The following PRKAA2 variants were observed in gnomAD, a reference collection of about 807,000 sequenced individuals.
The protein encoded by PRKAA2 is 5'-AMP-activated protein kinase catalytic subunit alpha-2.
Under a neutral mutation model 56.3 loss-of-function variants are expected in PRKAA2, and 40 were observed. That is an observed-to-expected ratio of 0.71 (90% confidence interval 0.55 to 0.92). PRKAA2 has a LOEUF of 0.92. PRKAA2 is among the 40% of genes least tolerant of loss of function. The pLI, the probability that PRKAA2 is intolerant of heterozygous loss-of-function variation, is 0.00. For missense variants in PRKAA2, 542 were observed against 686.9 expected (o/e 0.79, Z 2.36); for synonymous variants, 214 against 234.2 (o/e 0.91, Z 0.79).
rs534886858 is a variant in PRKAA2 at position 56,658,604 on chromosome 1, TTTTG to T, written c.94+13139_94+13142del. Among the ~76,000 whole-genome samples the T allele has an allele frequency of 6.4e-3, 907 of 142,140 alleles. 12 individuals carry two copies. Among genetic ancestry groups the T allele is most frequent in the African/African-American group, 0.021 (807 of 39,094 alleles). The allele number at this position is 142,140 out of a possible 152,430, so 93.2% of individuals were successfully genotyped here. On this transcript the variant is annotated intron_variant, in intron 1 of 8. Transcript: ENST00000371244. ...TTTTTTCTTCCCCCCCCCCGCCATT[TTTTG>T]TTTGTTTGTTTGTTTTGTTTTGAGT... is the stretch of plus-strand genomic sequence containing the variant.
chr1:56,645,701 A>G (rs1180630851), intron 1 of PRKAA2, among the ~76,000 whole-genome samples: 1 of 151,948 alleles, frequency 6.6e-6, no homozygotes, highest in Non-Finnish European at 1.5e-5. Flanking sequence ...CGGGGGTGTG[A>G]GCTGAGGATG....
chr1:56,705,156 A>G (rs1346286086), intron 7 of PRKAA2, among the ~76,000 whole-genome samples: 1 of 152,204 alleles, frequency 6.6e-6, no homozygotes, highest in Admixed American at 6.5e-5. Context: ...AAAAATGTGC[A>G]AACTTACCAC....
intron 1 of PRKAA2, among the ~76,000 whole-genome samples, chr1:56,656,778 G>C (rs1277788424): frequency 6.6e-6 from 1 of 152,200 alleles, no homozygotes; most frequent in Non-Finnish European, 1.5e-5. Flanking sequence ...TTCTGATGAA[G>C]ATGTTTTTGG....
chr1:56,703,362 A>C (rs1403465807), intron 6 of PRKAA2, among the ~76,000 whole-genome samples: 10 of 152,210 alleles, frequency 6.6e-5, no homozygotes, highest in Non-Finnish European at 1.2e-4. Flanking sequence ...CATGAAAAAT[A>C]ACCATATTTT....
chr1:56,665,046 G>T (rs1031658786), intron 1 of PRKAA2, among the ~76,000 whole-genome samples: 2 of 150,474 alleles, frequency 1.3e-5, no homozygotes, highest in African/African-American at 4.9e-5. Context: ...GGTCTTTCCT[G>T]CCTTGGATAT....
chr1:56,714,928 A>G lies in PRKAA2; in HGVS notation c.*7215A>G, dbSNP rs1195125190. Reference sequence around the variant, plus strand: ...CTTTGAAAAAGAAAAAAAAATCCATAGGTTGATACATTGACCCATTGAAGT... The same window carrying G: ...CTTTGAAAAAGAAAAAAAAATCCATGGGTTGATACATTGACCCATTGAAGT... On this transcript the variant is annotated 3_prime_UTR_variant, in exon 9 of 9. Transcript: ENST00000371244. 2 of 152,132 alleles carry G rather than the reference A, an allele frequency of 1.3e-5. No homozygotes were observed. The highest frequency in any genetic ancestry group is 4.8e-5 in the African/African-American group (2 of 41,458). The allele number at this position is 152,132 out of a possible 1,614,324, so 9.4% of individuals were successfully genotyped here.
intron 4 of PRKAA2, among the ~76,000 whole-genome samples, chr1:56,692,794 T>TG (rs1326790031): frequency 6.6e-6 from 1 of 151,258 alleles, no homozygotes. Context: ...TTTTTTTGTT[T>TG]TTTTTTTTTT....
At chr1:56,691,280 C>T in intron 2 of PRKAA2, 114 bp from the exon 3 acceptor site, 2 of 566,610 alleles carry the variant, frequency 3.5e-6, no homozygotes, top group Non-Finnish European at 5.9e-6. Flanking sequence ...AATTTGTTGC[C>T]ATCTTAAAGT....
At chr1:56,692,247 G>T (rs920701672) in intron 3 of PRKAA2, 111 bp from the exon 4 acceptor site, 42 of 1,272,366 alleles carry the variant, frequency 3.3e-5, no homozygotes, top group Non-Finnish European at 4.4e-5. Context: ...GGTCAGGCTG[G>T]TCTCAAACTC....
rs1449315525 is a variant in PRKAA2, at chr1:56,714,949, G to T, written c.*7236G>T. On this transcript the variant is annotated 3_prime_UTR_variant, in exon 9 of 9. Transcript: ENST00000371244. ...CCATAGGTTGATACATTGACCCATT[G>T]AAGTACTTCATTACGTATTTATTGA... 6.6e-6 allele frequency: 1 copy of T among 151,810 alleles called. No homozygotes were observed. The highest frequency in any genetic ancestry group is 1.5e-5 in the Non-Finnish European group (1 of 67,926). 9.4% of individuals were successfully genotyped at this position (151,810 alleles called of 1,614,324 possible).
In PRKAA2 at chr1:56,650,613, T is replaced by A. The variant is rs376664951; in HGVS notation, c.94+5132T>A. On this transcript the variant is annotated intron_variant, in intron 1 of 8. Transcript: ENST00000371244. ...AAGAAGCCTGCATTTTCAAGATGAG[T>A]AGTAGTATATATGTGGTTTATGATT... Among the ~76,000 whole-genome samples the A allele has an allele frequency of 8.5e-5, 13 of 152,286 alleles. No individual in the cohort carries two copies. The South Asian group carries it at 2.7e-3, about 32-fold the overall frequency.
chr1:56,705,646 C>T (rs1046106531), intron 7 of PRKAA2, among the ~76,000 whole-genome samples: 1 of 152,172 alleles, frequency 6.6e-6, no homozygotes, highest in African/African-American at 2.4e-5. Context: ...GCGGTCCACC[C>T]ACCTTGGCCT....
intron 5 of PRKAA2, among the ~76,000 whole-genome samples, chr1:56,695,195 TATA>T (rs1272774205): frequency 6.8e-6 from 1 of 147,490 alleles, no homozygotes; most frequent in Non-Finnish European, 1.5e-5. Flanking sequence ...TATATATATA[TATA>T]TATATTTTTT....
intron 1 of PRKAA2, 47 bp downstream of exon 1, chr1:56,645,528 G>A: frequency 1.4e-6 from 2 of 1,422,114 alleles, no homozygotes; most frequent in Middle Eastern, 2.4e-4. Flanking sequence ...CTGACTTGCG[G>A]GAGGCCGAGG....
At position 56,696,237 on chromosome 1, in the gene PRKAA2, C is replaced by T; in HGVS notation, c.788+78C>T. 2.9e-6 allele frequency: 4 copies of T among 1,375,294 alleles called. No individual in the cohort carries two copies. In the East Asian group the frequency reaches 9.2e-5, roughly 32 times the overall value. 85.2% of individuals were successfully genotyped at this position (1,375,294 alleles called of 1,614,324 possible). A position where few individuals can be genotyped will look rare whatever the true frequency, so the allele number is the denominator to read the frequency against. ...GTTAATTAAATGATTCTCCCAAAGTCTCATTTCCTGCCCTCACCACCTCAC... is the reference window on the plus strand; with the variant it reads ...GTTAATTAAATGATTCTCCCAAAGTTTCATTTCCTGCCCTCACCACCTCAC... On this transcript the variant is annotated intron_variant, in intron 6 of 8. Coordinates refer to ENST00000371244, the MANE Select transcript of PRKAA2 (RefSeq NM_006252.4).
intron 7 of PRKAA2, 103 bp from the exon 8 acceptor site, chr1:56,705,989 A>G: frequency 3.0e-5 from 27 of 897,014 alleles, no homozygotes; most frequent in Non-Finnish European, 4.1e-5. Context: ...AATTATTCGT[A>G]TTCCTTTCCT....
intron 1 of PRKAA2, among the ~76,000 whole-genome samples, chr1:56,668,272 G>T (rs1644049768): frequency 7.0e-6 from 1 of 142,874 alleles, no homozygotes; most frequent in Admixed American, 7.6e-5. Context: ...TGTGGGGTGG[G>T]GGGAGGGGGG....
chr1:56,653,554 A>G (rs1643917293), intron 1 of PRKAA2, among the ~76,000 whole-genome samples: 1 of 152,116 alleles, frequency 6.6e-6, no homozygotes, highest in South Asian at 2.1e-4. Context: ...ATAATACCAT[A>G]TGTTCTCTTC....
chr1:56,678,646 A>G (rs540882053), intron 2 of PRKAA2, among the ~76,000 whole-genome samples: 1 of 150,750 alleles, frequency 6.6e-6, no homozygotes, highest in South Asian at 2.1e-4. Context: ...ACTTGATTTT[A>G]CTTGGTCAAA....
Sources: allele counts gnomAD v4.1 joint callset (sites outside exome capture counted in the v4.1 genomes callset), GRCh38; gene constraint gnomAD v4.1.1; transcripts MANE v1.5; gene names NCBI Gene and HGNC (gene_info 2026-07-23, HGNC 2026-07-21).